Variants in TTC27 observed in about 807,000 individuals in gnomAD.
TTC27 encodes tetratricopeptide repeat domain 27, also known as tetratricopeptide repeat protein 27.
Under a neutral mutation model 115.9 loss-of-function variants are expected in TTC27, and 79 were observed. That is an observed-to-expected ratio of 0.68 (90% CI 0.57 to 0.82). TTC27 has a LOEUF of 0.82. Among genes scored for constraint, TTC27 ranks in the 40% least tolerant of loss-of-function variants. The pLI is 0.00. For synonymous variants in TTC27, 401 were observed against 356.0 expected (o/e 1.13, Z -1.42); for missense variants, 1,054 against 993.1 (o/e 1.06, Z -0.82).
At chr2:32,675,813 C>T (rs1042164593) in intron 8 of TTC27, among the ~76,000 whole-genome samples, 7 of 151,236 alleles carry the variant, frequency 4.6e-5, no homozygotes, top group African/African-American at 1.2e-4. Context: ...TTTTTTGAGA[C>T]GGAGTTTCAC....
At chr2:32,773,514 T>G (rs1410746104) in intron 13 of TTC27, among the ~76,000 whole-genome samples, 1 of 152,188 alleles carries the variant, frequency 6.6e-6, no homozygotes, top group Non-Finnish European at 1.5e-5. Context: ...AATCATGGCT[T>G]GTGTATAGGC....
Position 32,667,738 on chromosome 2 carries a change from G to C in TTC27, c.939+970G>C, listed in dbSNP as rs1312286644. Among the ~76,000 whole-genome samples the C allele has an allele frequency of 3.3e-5, 5 of 149,686 alleles. No individual in the cohort carries two copies. The South Asian group carries it at 8.6e-4, about 26-fold the overall frequency. On this transcript the variant is annotated intron_variant, in intron 7 of 19. Coordinates refer to ENST00000317907, the MANE Select transcript of TTC27 (RefSeq NM_017735.5). ...GCTGTGTTTGTTGTTTTTTAATGTG[G>C]AGTTGTTCTATAGAAAAGTATCTCC...
chr2:32,754,889 C>T (rs2147989226), intron 12 of TTC27, among the ~76,000 whole-genome samples: 1 of 149,502 alleles, frequency 6.7e-6, no homozygotes, highest in African/African-American at 2.5e-5. Context: ...CCCCCCCCAC[C>T]TCCCTCCCGG....
intron 13 of TTC27, among the ~76,000 whole-genome samples, chr2:32,775,825 T>C (rs1018419359): frequency 6.6e-6 from 1 of 152,234 alleles, no homozygotes; most frequent in Non-Finnish European, 1.5e-5. Flanking sequence ...ACTTTAACAT[T>C]GATGAAATAT....
At chr2:32,757,757 G>T (rs569456183) in intron 12 of TTC27, among the ~76,000 whole-genome samples, 186 of 152,156 alleles carry the variant, frequency 1.2e-3, no homozygotes, top group African/African-American at 4.3e-3. Flanking sequence ...CAATGACTCA[G>T]TCTTGGCTCA....
chr2:32,657,846 A>T (rs1035921838), intron 5 of TTC27, among the ~76,000 whole-genome samples: 1 of 151,818 alleles, frequency 6.6e-6, no homozygotes, highest in Non-Finnish European at 1.5e-5. Context: ...TTTTTTTTTG[A>T]GATGGAGTTT....
chr2:32,800,699 C>T (rs772148515), intron 16 of TTC27, among the ~76,000 whole-genome samples: 1 of 151,560 alleles, frequency 6.6e-6, no homozygotes, highest in African/African-American at 2.4e-5. Flanking sequence ...GGGGTTTCAC[C>T]GTGTTGGCCA....
At chr2:32,801,056 A>G (rs1670916553) in intron 16 of TTC27, among the ~76,000 whole-genome samples, 1 of 152,234 alleles carries the variant, frequency 6.6e-6, no homozygotes, top group Non-Finnish European at 1.5e-5. Flanking sequence ...TAGTAAGGGT[A>G]GGCTGTGACA....
At chr2:32,640,999 AC>A (rs1411515936) in intron 4 of TTC27, among the ~76,000 whole-genome samples, 2 of 152,030 alleles carry the variant, frequency 1.3e-5, no homozygotes, top group Admixed American at 6.6e-5. Flanking sequence ...AAACAAAACA[AC>A]AACAACAACA....
intron 13 of TTC27, among the ~76,000 whole-genome samples, chr2:32,769,562 ACTC>A (rs1457318769): frequency 6.6e-6 from 1 of 152,038 alleles, no homozygotes; most frequent in Non-Finnish European, 1.5e-5. Flanking sequence ...GAAATGAAAG[ACTC>A]CTGTGGATAA....
intron 10 of TTC27, among the ~76,000 whole-genome samples, chr2:32,714,830 G>A (rs1210371411): frequency 2.6e-5 from 4 of 152,068 alleles, no homozygotes; most frequent in Non-Finnish European, 5.9e-5. Flanking sequence ...TATTTCTCCA[G>A]TGATTAGTGA....
rs150974262 is a variant in TTC27, at chr2:32,723,313, C to T, written c.1234-10515C>T. ...CGCAGCATTTTCCAAATTTGCTGAACATATGTACCAGCTCTTGGTGGGGGT... is the reference window on the plus strand; with the variant it reads ...CGCAGCATTTTCCAAATTTGCTGAATATATGTACCAGCTCTTGGTGGGGGT... On this transcript the variant is annotated intron_variant, in intron 10 of 19. Coordinates refer to ENST00000317907, the MANE Select transcript of TTC27 (RefSeq NM_017735.5). Among the ~76,000 whole-genome samples the T allele has an allele frequency of 1.4e-3, 212 of 152,212 alleles. 2 individuals are homozygous for T. Among genetic ancestry groups the T allele is most frequent in the African/African-American group, 5.0e-3 (207 of 41,546 alleles).
chr2:32,679,542 A>G (rs192478793), intron 9 of TTC27, among the ~76,000 whole-genome samples: 75 of 152,364 alleles, frequency 4.9e-4, no homozygotes, highest in African/African-American at 1.8e-3. Flanking sequence ...AGGAAGATAC[A>G]TATGTTCTTT....
At chr2:32,674,167 T>C (rs1666111050) in intron 8 of TTC27, among the ~76,000 whole-genome samples, 1 of 151,884 alleles carries the variant, frequency 6.6e-6, no homozygotes, top group Non-Finnish European at 1.5e-5. Context: ...TTTTTTTTTT[T>C]TGAGACAGAG....
chr2:32,767,061 T>C (rs1669653500), intron 13 of TTC27, among the ~76,000 whole-genome samples: 1 of 152,186 alleles, frequency 6.6e-6, no homozygotes, highest in Non-Finnish European at 1.5e-5. Context: ...GTTGGGATTA[T>C]AGGCGTCAGC....
At chr2:32,754,850 C>G (rs9259379) in intron 12 of TTC27, among the ~76,000 whole-genome samples, 46,479 of 142,696 alleles carry the variant, frequency 0.33, 8,432 homozygotes, top group Non-Finnish European at 0.38. Flanking sequence ...CCCTCCCGGA[C>G]GGGGCGGCTG....
intron 9 of TTC27, among the ~76,000 whole-genome samples, chr2:32,695,966 T>C (rs1246889150): frequency 6.7e-6 from 1 of 149,830 alleles, no homozygotes; most frequent in East Asian, 2.0e-4. Flanking sequence ...CAAATAAAAA[T>C]ACGAAAATTA....
At chr2:32,746,282 C>T (rs2151921652) in intron 12 of TTC27, among the ~76,000 whole-genome samples, 1 of 151,210 alleles carries the variant, frequency 6.6e-6, no homozygotes. Context: ...GCACATCTGG[C>T]CAGGCACAGT....
chr2:32,736,873 C>A, intron 12 of TTC27, 57 bp downstream of exon 12: 1 of 1,574,042 alleles, frequency 6.4e-7, no homozygotes, highest in Non-Finnish European at 8.6e-7. Flanking sequence ...GGAGCATCTT[C>A]TCACTTGTTT....
Sources: gnomAD v4.1 joint callset for allele counts (sites outside exome capture counted in the v4.1 genomes callset) on GRCh38, gnomAD v4.1.1 for gene constraint, MANE v1.5 for transcripts, NCBI Gene and HGNC (gene_info 2026-07-23, HGNC 2026-07-21) for gene names.